VAT1L: variants seen among roughly 807,000 people sequenced by gnomAD.
The protein encoded by VAT1L is putative NADPH-dependent quinone oxidoreductase VAT1L.
Under a neutral mutation model 44.1 loss-of-function variants are expected in VAT1L, and 34 were observed. The observed-to-expected ratio is 0.77, with a 90% CI of 0.59 to 1.03. VAT1L has a LOEUF of 1.03. VAT1L is among the 50% of genes least tolerant of loss of function. The probability of loss-of-function intolerance (pLI) is 0.00; values close to 1 mark genes in which losing one functional copy is unlikely to be tolerated. For synonymous variants in VAT1L, 253 were observed against 202.2 expected, an observed-to-expected ratio of 1.25 and a Z score of -2.13; for missense variants, 615 against 538.8, an observed-to-expected ratio of 1.14 and a Z score of -1.40.
intron 7 of VAT1L, among the ~76,000 whole-genome samples, chr16:77,949,141 A>C (rs911374911): frequency 6.6e-6 from 1 of 152,214 alleles, no homozygotes; most frequent in South Asian, 2.1e-4. Flanking sequence ...GGCTAGAAAA[A>C]GAATACTGTA....
chr16:77,935,476 A>G (rs1597107137), intron 7 of VAT1L, among the ~76,000 whole-genome samples: 1 of 140,574 alleles, frequency 7.1e-6, no homozygotes, highest in Non-Finnish European at 1.5e-5. Context: ...TATTTCCTCC[A>G]CTCCCCATTC....
chr16:77,942,758 T>C (rs1340285726), intron 7 of VAT1L, among the ~76,000 whole-genome samples: 8 of 152,270 alleles, frequency 5.3e-5, no homozygotes, highest in Admixed American at 1.3e-4. Context: ...TGTCTTTGTT[T>C]TTTTGAGACA....
At chr16:77,942,583 C>G (rs772877796) in intron 7 of VAT1L, among the ~76,000 whole-genome samples, 2 of 152,198 alleles carry the variant, frequency 1.3e-5, no homozygotes, top group Non-Finnish European at 2.9e-5. Flanking sequence ...AAACAGAAAT[C>G]TTGCATCCAT....
At chr16:77,817,750 G>A (rs1366409778) in intron 2 of VAT1L, among the ~76,000 whole-genome samples, 5 of 151,964 alleles carry the variant, frequency 3.3e-5, no homozygotes, top group East Asian at 1.9e-4. Flanking sequence ...CTATTATAAC[G>A]CAAATCAAAT....
chr16:77,915,567 C>G (rs1351511859), intron 7 of VAT1L, among the ~76,000 whole-genome samples: 1 of 152,120 alleles, frequency 6.6e-6, no homozygotes, highest in South Asian at 2.1e-4. Context: ...AGAAGGCTTC[C>G]CCAGAGGAGT....
chr16:77,929,114 G>T (rs916929723), intron 7 of VAT1L, among the ~76,000 whole-genome samples: 4 of 151,982 alleles, frequency 2.6e-5, no homozygotes, highest in African/African-American at 9.7e-5. Context: ...GTGCCTAGCC[G>T]CTCTATTATT....
At chr16:77,835,003 A>C (rs1048092783) in intron 3 of VAT1L, among the ~76,000 whole-genome samples, 2 of 152,304 alleles carry the variant, frequency 1.3e-5, no homozygotes, top group South Asian at 4.1e-4. Context: ...AGCTATCTTT[A>C]TTATTGTTAT....
At chr16:77,942,648 G>C (rs571351451) in intron 7 of VAT1L, among the ~76,000 whole-genome samples, 1 of 152,342 alleles carries the variant, frequency 6.6e-6, no homozygotes, top group Non-Finnish European at 1.5e-5. Context: ...GAAGGATCGA[G>C]TTGAGGGAGG....
intron 7 of VAT1L, chr16:77,892,737 G>T: frequency 1.3e-6 from 1 of 747,904 alleles, no homozygotes; most frequent in South Asian, 1.3e-5. Flanking sequence ...ACTGGACCCA[G>T]CACAAATGGT....
At chr16:77,825,571 A>C in intron 3 of VAT1L, 110 bp downstream of exon 3, 1 of 1,261,862 alleles carries the variant, frequency 7.9e-7, no homozygotes, top group Non-Finnish European at 1.1e-6. Flanking sequence ...AATCATCACT[A>C]TGGTTCTGGT....
chr16:77,857,024 A>G (rs1392775937), intron 3 of VAT1L, among the ~76,000 whole-genome samples: 1 of 152,252 alleles, frequency 6.6e-6, no homozygotes, highest in East Asian at 1.9e-4. Flanking sequence ...TTAGTACAGT[A>G]TCTGCCCCAT....
intron 7 of VAT1L, among the ~76,000 whole-genome samples, chr16:77,959,843 C>T (rs979644044): frequency 6.6e-6 from 1 of 152,166 alleles, no homozygotes; most frequent in Non-Finnish European, 1.5e-5. Flanking sequence ...TTCATGGAAA[C>T]TCTTTGGAAT....
intron 7 of VAT1L, among the ~76,000 whole-genome samples, chr16:77,936,405 C>T (rs1169291225): frequency 3.3e-5 from 5 of 152,138 alleles, no homozygotes; most frequent in Admixed American, 1.3e-4. Flanking sequence ...CGCAGGCAGC[C>T]CTTTCTGCCT....
At chr16:77,801,419 A>G (rs2016049751) in intron 1 of VAT1L, 1 of 152,156 alleles carries the variant, frequency 6.6e-6, no homozygotes, top group Admixed American at 6.6e-5. Context: ...AAACAACTAC[A>G]CTAAGAATGC....
intron 4 of VAT1L, among the ~76,000 whole-genome samples, chr16:77,863,744 G>A (rs1187148625): frequency 5.9e-5 from 9 of 152,142 alleles, no homozygotes; most frequent in Non-Finnish European, 1.2e-4. Flanking sequence ...TCTAATTATA[G>A]GTGTTGGCAA....
chr16:77,956,366 CCT>C (rs1242663936), intron 7 of VAT1L, among the ~76,000 whole-genome samples: 22 of 152,140 alleles, frequency 1.4e-4, no homozygotes, highest in Non-Finnish European at 2.8e-4. Context: ...TTTATGTACC[CCT>C]GATTGACAGC....
intron 1 of VAT1L, among the ~76,000 whole-genome samples, chr16:77,797,507 C>T (rs2015959561): frequency 6.6e-6 from 1 of 152,316 alleles, no homozygotes; most frequent in South Asian, 2.1e-4. Flanking sequence ...CCACCAGCCC[C>T]CTGCATCCCC....
At chr16:77,858,541 A>G (rs2016884206) in intron 3 of VAT1L, among the ~76,000 whole-genome samples, 1 of 152,336 alleles carries the variant, frequency 6.6e-6, no homozygotes, top group African/African-American at 2.4e-5. Flanking sequence ...CAGTAAACCT[A>G]GACTGTGTAG....
chr16:77,938,931 G>C (rs1003437395), intron 7 of VAT1L, among the ~76,000 whole-genome samples: 1 of 152,130 alleles, frequency 6.6e-6, no homozygotes, highest in East Asian at 1.9e-4. Flanking sequence ...CAGGAGTGTG[G>C]GGATGGGAGA....
Sources: allele counts gnomAD v4.1 joint callset (sites outside exome capture counted in the v4.1 genomes callset), GRCh38; gene constraint gnomAD v4.1.1; transcripts MANE v1.5; gene names NCBI Gene and HGNC (gene_info 2026-07-23, HGNC 2026-07-21).